PAK5: variants seen among roughly 807,000 people sequenced by gnomAD.
The protein encoded by PAK5 is p21 (RAC1) activated kinase 5.
PAK5 carries 16 observed loss-of-function variants against 65.9 expected under a neutral mutation model. That is an observed-to-expected ratio of 0.24 (90% confidence interval 0.16 to 0.37). The LOEUF (loss-of-function observed/expected upper bound fraction) is 0.37. Ranked by LOEUF, PAK5 falls within the 10% of genes least tolerant of loss-of-function variation. The pLI is 1.00. For synonymous variants in PAK5, 371 were observed against 354.9 expected, an observed-to-expected ratio of 1.05 and a Z score of -0.51; for missense variants, 785 against 903.9, an observed-to-expected ratio of 0.87 and a Z score of 1.69.
chr20:9,725,817 G>T (rs2048270646), intron 1 of PAK5, among the ~76,000 whole-genome samples: 1 of 151,994 alleles, frequency 6.6e-6, no homozygotes, highest in Non-Finnish European at 1.5e-5. Context: ...TAAATGCACT[G>T]ATATGTTATA....
At chr20:9,650,861 T>C (rs1416465042) in intron 2 of PAK5, among the ~76,000 whole-genome samples, 1 of 152,186 alleles carries the variant, frequency 6.6e-6, no homozygotes, top group Non-Finnish European at 1.5e-5. Flanking sequence ...TCATTAGCCA[T>C]ATGGAGACCC....
intron 1 of PAK5, among the ~76,000 whole-genome samples, chr20:9,772,207 G>T (rs1211691717): frequency 6.6e-6 from 1 of 152,164 alleles, no homozygotes; most frequent in Non-Finnish European, 1.5e-5. Context: ...AAAGGTAATG[G>T]ATGAGAGCAG....
chr20:9,580,002 T>A, intron 4 of PAK5, 143 bp downstream of exon 4: 1 of 633,190 alleles, frequency 1.6e-6, no homozygotes, highest in Non-Finnish European at 2.7e-6. Flanking sequence ...GCCTCACAAG[T>A]GGAGATAGGG....
At chr20:9,553,124 T>C (rs1305668295) in intron 7 of PAK5, among the ~76,000 whole-genome samples, 1 of 152,172 alleles carries the variant, frequency 6.6e-6, no homozygotes, top group Non-Finnish European at 1.5e-5. Context: ...CAGTACAATA[T>C]CAACACTTGT....
chr20:9,587,922 T>TG (rs2046098502), intron 3 of PAK5, among the ~76,000 whole-genome samples: 1 of 152,156 alleles, frequency 6.6e-6, no homozygotes, highest in South Asian at 2.1e-4. Context: ...ATCTATAATA[T>TG]AGTGTTAAAT....
At chr20:9,696,666 C>T (rs1045747834) in intron 2 of PAK5, among the ~76,000 whole-genome samples, 2 of 152,048 alleles carry the variant, frequency 1.3e-5, no homozygotes, top group Admixed American at 6.6e-5. Context: ...CTTGGACCCA[C>T]ACAGTAATAA....
At chr20:9,776,902 A>G (rs1207377170) in intron 1 of PAK5, among the ~76,000 whole-genome samples, 3 of 152,206 alleles carry the variant, frequency 2.0e-5, no homozygotes, top group Non-Finnish European at 4.4e-5. Flanking sequence ...GAGGCCAAGA[A>G]ACATGGTGGT....
At chr20:9,666,699 A>C (rs75466356) in intron 2 of PAK5, among the ~76,000 whole-genome samples, 5,019 of 152,252 alleles carry the variant, frequency 0.033, 283 homozygotes, top group African/African-American at 0.11. Context: ...CAAAACAAAA[A>C]AACAAATAGC....
At chr20:9,833,129 G>C (rs1978858861) in intron 1 of PAK5, among the ~76,000 whole-genome samples, 1 of 152,068 alleles carries the variant, frequency 6.6e-6, no homozygotes, top group Admixed American at 6.5e-5. Context: ...AATTTATGTG[G>C]AATTTCATTT....
Position 9,711,379 on chromosome 20 carries a change from A to AT in PAK5, c.-106dup, listed in dbSNP as rs1229496380. 1 of 152,002 alleles carries AT rather than the reference A, an allele frequency of 6.6e-6. No homozygotes were observed. The highest frequency in any genetic ancestry group is 1.5e-5 in the Non-Finnish European group (1 of 68,008). 9.4% of individuals were successfully genotyped at this position (152,002 alleles called of 1,614,324 possible). ...TCGCTGGTGCTTGTCAGTCTTCTTC[A>AT]TTTTTCCTCAGTGTTCATTTTAGCA... is the stretch of plus-strand genomic sequence containing the variant. On this transcript the variant is annotated 5_prime_UTR_variant, in exon 2 of 10. It adds an upstream start codon to the 5' untranslated region. Coordinates refer to ENST00000353224, the MANE Select transcript of PAK5 (RefSeq NM_177990.4).
At chr20:9,608,574 T>C (rs975786601) in intron 3 of PAK5, among the ~76,000 whole-genome samples, 1 of 152,236 alleles carries the variant, frequency 6.6e-6, no homozygotes, top group African/African-American at 2.4e-5. Flanking sequence ...TGACTTTCAA[T>C]CTTGTTTTCA....
At chr20:9,753,323 GTT>G (rs890411966) in intron 1 of PAK5, among the ~76,000 whole-genome samples, 1 of 151,994 alleles carries the variant, frequency 6.6e-6, no homozygotes, top group African/African-American at 2.4e-5. Context: ...GTTTGCATTT[GTT>G]TTTTTGATTA....
At chr20:9,834,286 T>C (rs1156339731) in intron 1 of PAK5, among the ~76,000 whole-genome samples, 1 of 152,192 alleles carries the variant, frequency 6.6e-6, no homozygotes, top group Admixed American at 6.5e-5. Flanking sequence ...CTACATTCAT[T>C]TCCCTTGGGC....
chr20:9,557,697 C>G lies in PAK5; in HGVS notation c.1654G>C (p.Val552Leu). The G allele has an allele frequency of 6.2e-7, 1 of 1,611,838 alleles. No homozygotes were observed. Among genetic ancestry groups the G allele is most frequent in the Non-Finnish European group, 8.5e-7 (1 of 1,178,070 alleles). ...TGAAGGTAGGAGAGAGCTCTCAGAA[C>G]TGACAGGCAGACAGTAGCTATCTGT... ...EEQIATVCLSVLRALSYLHNQ... is the reference protein window; with the variant it reads ...EEQIATVCLSLLRALSYLHNQ... Residue 552 changes from valine to leucine, a missense_variant, in exon 7 of 10, where the codon GTT becomes CTT. Val to Leu is a conservative substitution (Grantham distance 32). Transcript: ENST00000353224.
chr20:9,684,418 C>A (rs1199689881), intron 2 of PAK5, among the ~76,000 whole-genome samples: 1 of 152,076 alleles, frequency 6.6e-6, no homozygotes, highest in Admixed American at 6.6e-5. Context: ...AATCAGAGGG[C>A]ATTGAAGATA....
At chr20:9,601,868 T>C (rs958009016) in intron 3 of PAK5, among the ~76,000 whole-genome samples, 2 of 152,100 alleles carry the variant, frequency 1.3e-5, no homozygotes, top group Non-Finnish European at 2.9e-5. Context: ...CGCAGCCAAC[T>C]CTAAGTGACC....
chr20:9,825,905 A>G (rs2049478207), intron 1 of PAK5, among the ~76,000 whole-genome samples: 1 of 152,212 alleles, frequency 6.6e-6, no homozygotes, highest in Admixed American at 6.5e-5. Context: ...AGCAATTCAA[A>G]GGTTATAATT....
Position 9,547,893 on chromosome 20 carries a change from T to C in PAK5, c.1744-3399A>G, listed in dbSNP as rs117166512. Reference sequence around the variant, plus strand: ...GGTATACACATTATAGCTTGAATCATAGATCACAGTTCAGTCAAGAAACAG... The same window carrying C: ...GGTATACACATTATAGCTTGAATCACAGATCACAGTTCAGTCAAGAAACAG... On this transcript the variant is annotated intron_variant, in intron 7 of 9. Transcript: ENST00000353224. 5.1e-3 allele frequency among the ~76,000 whole-genome samples: 773 copies of C among 152,256 alleles called. 4 individuals are homozygous for C. Among genetic ancestry groups the C allele is most frequent in the East Asian group, 0.032 (168 of 5,186 alleles).
At chr20:9,694,479 C>A (rs1347792675) in intron 2 of PAK5, among the ~76,000 whole-genome samples, 1 of 151,902 alleles carries the variant, frequency 6.6e-6, no homozygotes, top group Non-Finnish European at 1.5e-5. Context: ...AACGACTTTT[C>A]ACAAAGGGAA....
Sources: allele counts gnomAD v4.1 joint callset (sites outside exome capture counted in the v4.1 genomes callset), GRCh38; gene constraint gnomAD v4.1.1; transcripts MANE v1.5; gene names NCBI Gene and HGNC (gene_info 2026-07-23, HGNC 2026-07-21).